HS6ST3: variants seen among roughly 807,000 people sequenced by gnomAD.
The protein encoded by HS6ST3 is heparan sulfate 6-O-sulfotransferase 3, also known as heparan-sulfate 6-O-sulfotransferase 3.
In HS6ST3, 12 loss-of-function variants were observed where a neutral mutation model predicts 36.7. The observed-to-expected ratio is 0.33, with a 90% CI of 0.21 to 0.53. The LOEUF is 0.53. Ranked by LOEUF, HS6ST3 falls within the 20% of genes least tolerant of loss-of-function variation. The pLI, the probability that HS6ST3 is intolerant of heterozygous loss-of-function variation, is 0.95. For missense variants in HS6ST3, 584 were observed against 640.9 expected (o/e 0.91, Z 0.96); for synonymous variants, 240 against 257.5 (o/e 0.93, Z 0.65).
chr13:96,583,194 TTTTTC>T (rs1397417922), intron 1 of HS6ST3, among the ~76,000 whole-genome samples: 5 of 135,044 alleles, frequency 3.7e-5, no homozygotes, highest in African/African-American at 1.4e-4. Flanking sequence ...CTTCAATTTC[TTTTTC>T]TTTTCTTTTT....
intron 1 of HS6ST3, among the ~76,000 whole-genome samples, chr13:96,167,257 T>C (rs1239936201): frequency 2.6e-5 from 4 of 152,200 alleles, no homozygotes; most frequent in African/African-American, 4.8e-5. Flanking sequence ...TTTATCATAA[T>C]GTTCGTAGAT....
chr13:96,159,865 T>G (rs2054127934), intron 1 of HS6ST3, among the ~76,000 whole-genome samples: 1 of 152,092 alleles, frequency 6.6e-6, no homozygotes, highest in Non-Finnish European at 1.5e-5. Context: ...GTGTCCACAG[T>G]GGGTAGAAGC....
chr13:96,693,848 A>G (rs1002722535), intron 1 of HS6ST3, among the ~76,000 whole-genome samples: 1 of 152,112 alleles, frequency 6.6e-6, no homozygotes, highest in African/African-American at 2.4e-5. Context: ...TCTTTAAACT[A>G]AAGTTACATG....
At chr13:96,250,297 A>G (rs1245232651) in intron 1 of HS6ST3, among the ~76,000 whole-genome samples, 2 of 152,124 alleles carry the variant, frequency 1.3e-5, no homozygotes. Context: ...CCCCCAAAGG[A>G]TATGTTTGTT....
intron 1 of HS6ST3, among the ~76,000 whole-genome samples, chr13:96,576,505 C>T (rs954090624): frequency 8.5e-5 from 13 of 152,138 alleles, no homozygotes; most frequent in African/African-American, 2.4e-4. Context: ...TGCAAGTGTT[C>T]TAGGTCAAAA....
chr13:96,525,491 T>A (rs1159092125), intron 1 of HS6ST3, among the ~76,000 whole-genome samples: 1 of 152,160 alleles, frequency 6.6e-6, no homozygotes, highest in Non-Finnish European at 1.5e-5. Context: ...TTATACTAGC[T>A]ACTGACAATA....
At position 96,689,561 on chromosome 13, in the gene HS6ST3, C is replaced by T. The variant is rs1230184372; in HGVS notation, c.708-142929C>T. Reference sequence around the variant, plus strand: ...AAAATGTGTTAATTGGTTGCTTAGTCGTCAGGATCACCCATTGTGTTTGTA... The same window carrying T: ...AAAATGTGTTAATTGGTTGCTTAGTTGTCAGGATCACCCATTGTGTTTGTA... On this transcript the variant is annotated intron_variant, in intron 1 of 1. Coordinates refer to ENST00000376705, the MANE Select transcript of HS6ST3 (RefSeq NM_153456.4). 4.1e-5 allele frequency among the ~76,000 whole-genome samples: 6 copies of T among 147,696 alleles called. No individual in the cohort carries two copies. The East Asian group carries it at 1.2e-3, about 29-fold the overall frequency.
intron 1 of HS6ST3, among the ~76,000 whole-genome samples, chr13:96,385,739 A>G (rs1329474324): frequency 1.3e-5 from 2 of 152,228 alleles, no homozygotes; most frequent in Middle Eastern, 3.2e-3. Flanking sequence ...AATTCTAATG[A>G]CAGTTATAGT....
At chr13:96,201,340 C>T (rs1162501913) in intron 1 of HS6ST3, among the ~76,000 whole-genome samples, 1 of 151,882 alleles carries the variant, frequency 6.6e-6, no homozygotes, top group Non-Finnish European at 1.5e-5. Flanking sequence ...GGAAGCCATC[C>T]TAGATTAGGC....
chr13:96,705,025 A>G (rs961748319), intron 1 of HS6ST3, among the ~76,000 whole-genome samples: 15 of 152,212 alleles, frequency 9.9e-5, no homozygotes, highest in South Asian at 8.3e-4. Flanking sequence ...GAGAGTTTCC[A>G]TATACTCCTG....
At chr13:96,143,389 A>AT (rs1275593737) in intron 1 of HS6ST3, among the ~76,000 whole-genome samples, 21 of 149,116 alleles carry the variant, frequency 1.4e-4, no homozygotes, top group African/African-American at 4.9e-4. Context: ...ATATATAAAC[A>AT]TAATATACTA....
intron 1 of HS6ST3, among the ~76,000 whole-genome samples, chr13:96,209,495 T>C (rs2054387977): frequency 6.6e-6 from 1 of 152,082 alleles, no homozygotes; most frequent in Non-Finnish European, 1.5e-5. Flanking sequence ...GAACAAGGAG[T>C]CATGAGAATA....
chr13:96,609,406 C>T (rs2056449981), intron 1 of HS6ST3, among the ~76,000 whole-genome samples: 2 of 151,646 alleles, frequency 1.3e-5, no homozygotes, highest in Admixed American at 6.6e-5. Context: ...TATGTTTTTC[C>T]TTTCTTTTCA....
chr13:96,378,022 A>C (rs1034113016), intron 1 of HS6ST3, among the ~76,000 whole-genome samples: 3 of 152,146 alleles, frequency 2.0e-5, no homozygotes, highest in African/African-American at 7.2e-5. Flanking sequence ...TCATTTATAA[A>C]GTTAGTCTTG....
At chr13:96,320,340 T>G (rs919585570) in intron 1 of HS6ST3, among the ~76,000 whole-genome samples, 1 of 152,206 alleles carries the variant, frequency 6.6e-6, no homozygotes, top group Non-Finnish European at 1.5e-5. Context: ...AACTGAACTG[T>G]TAGGAGAAGA....
At chr13:96,295,085 A>G (rs1276936489) in intron 1 of HS6ST3, among the ~76,000 whole-genome samples, 3 of 152,134 alleles carry the variant, frequency 2.0e-5, no homozygotes, top group Admixed American at 2.0e-4. Context: ...GGCCATGGTA[A>G]CAATTACAAG....
chr13:96,447,052 A>G (rs2055702561), intron 1 of HS6ST3, among the ~76,000 whole-genome samples: 1 of 151,904 alleles, frequency 6.6e-6, no homozygotes. Flanking sequence ...TTCCAATATC[A>G]CGTATCACCC....
At chr13:96,390,504 C>T (rs568757545) in intron 1 of HS6ST3, among the ~76,000 whole-genome samples, 1 of 152,304 alleles carries the variant, frequency 6.6e-6, no homozygotes, top group African/African-American at 2.4e-5. Context: ...GTCCCTTGGT[C>T]CTGGAGTTCC....
intron 1 of HS6ST3, among the ~76,000 whole-genome samples, chr13:96,700,921 C>T (rs1223346517): frequency 6.6e-6 from 1 of 152,106 alleles, no homozygotes; most frequent in Admixed American, 6.6e-5. Flanking sequence ...TTACTCATGT[C>T]AGGCAAGGGC....
Sources: allele counts gnomAD v4.1 joint callset (sites outside exome capture counted in the v4.1 genomes callset), GRCh38; gene constraint gnomAD v4.1.1; transcripts MANE v1.5; gene names NCBI Gene and HGNC (gene_info 2026-07-23, HGNC 2026-07-21).